The following ASIC2 variants were observed in gnomAD, a reference collection of about 807,000 sequenced individuals.
ASIC2 encodes acid-sensing ion channel 2.
In ASIC2, 25 loss-of-function variants were observed where a neutral mutation model predicts 57.3. The ratio of observed to expected loss-of-function variants is 0.44; its 90% CI spans 0.32 to 0.61. The LOEUF (loss-of-function observed/expected upper bound fraction) is 0.61, where lower values mean the gene tolerates loss of function less well. Among genes scored for constraint, ASIC2 ranks in the 20% least tolerant of loss-of-function variants. The pLI, the probability that ASIC2 is intolerant of heterozygous loss-of-function variation, is 0.06. For synonymous variants in ASIC2, 319 were observed against 307.5 expected (o/e 1.04, Z -0.39); for missense variants, 641 against 738.1 (o/e 0.87, Z 1.52).
chr17:33,498,222 G>C (rs2141939882), intron 1 of ASIC2, among the ~76,000 whole-genome samples: 1 of 152,350 alleles, frequency 6.6e-6, no homozygotes, highest in African/African-American at 2.4e-5. Flanking sequence ...CCTGCCCTCT[G>C]GGCTAGGAAC....
At chr17:33,977,732 G>A (rs974316542) in intron 1 of ASIC2, among the ~76,000 whole-genome samples, 2 of 152,082 alleles carry the variant, frequency 1.3e-5, no homozygotes, top group African/African-American at 4.8e-5. Flanking sequence ...GATGTCTGTC[G>A]ATTCTACCTG....
chr17:33,187,934 G>GA (rs891128433), intron 1 of ASIC2, among the ~76,000 whole-genome samples: 19 of 137,792 alleles, frequency 1.4e-4, no homozygotes, highest in Non-Finnish European at 2.4e-4. Flanking sequence ...AAAGAAAAAA[G>GA]AAAAAAAAGA....
At position 34,039,838 on chromosome 17, in the gene ASIC2, C is replaced by T. The variant is rs568881408; in HGVS notation, c.555+116140G>A. The T allele has an allele frequency of 1.0e-4, 162 of 1,607,162 alleles. No homozygotes were observed. In the African/African-American group the frequency reaches 1.8e-3, roughly 18 times the overall value. ...AAACCTGGCCTCCAATAATTTCTGC[C>T]GTCGTGGGTCCAGGCTATGCAATTC... On this transcript the variant is annotated intron_variant, in intron 1 of 9. Transcript: ENST00000359872.
At chr17:34,071,346 T>C (rs1909392243) in intron 1 of ASIC2, 1 of 152,202 alleles carries the variant, frequency 6.6e-6, no homozygotes, top group Non-Finnish European at 1.5e-5. Flanking sequence ...TCTGTGGATT[T>C]TATCCATTTC....
At chr17:33,735,822 C>A (rs1201004230) in intron 1 of ASIC2, among the ~76,000 whole-genome samples, 1 of 152,136 alleles carries the variant, frequency 6.6e-6, no homozygotes, top group African/African-American at 2.4e-5. Flanking sequence ...CCCAGTTCTG[C>A]TCTCAAGAGC....
intron 1 of ASIC2, among the ~76,000 whole-genome samples, chr17:33,962,112 C>G (rs527612788): frequency 6.6e-6 from 1 of 152,294 alleles, no homozygotes; most frequent in South Asian, 2.1e-4. Context: ...AGCCCATGAA[C>G]AAGTCCAGTT....
intron 1 of ASIC2, chr17:33,692,554 G>T (rs1425186869): frequency 6.6e-6 from 1 of 152,108 alleles, no homozygotes; most frequent in Non-Finnish European, 1.5e-5. Flanking sequence ...TCTAAACATA[G>T]AAAATGTACC....
intron 1 of ASIC2, among the ~76,000 whole-genome samples, chr17:33,262,523 C>T (rs551902076): frequency 1.4e-4 from 22 of 152,046 alleles, no homozygotes; most frequent in Non-Finnish European, 3.1e-4. Flanking sequence ...TGCTCAAATG[C>T]CTATAGTATG....
At chr17:33,418,691 A>C (rs1045725934) in intron 1 of ASIC2, among the ~76,000 whole-genome samples, 2 of 151,994 alleles carry the variant, frequency 1.3e-5, no homozygotes, top group Admixed American at 1.3e-4. Flanking sequence ...ATGTGTAGTT[A>C]TTTCTGAGGC....
Position 33,292,290 on chromosome 17 carries a change from T to G in ASIC2, c.-175A>C. ...CGGCATGCCCGCCCGGCGCCGCCGC[T>G]GCCGCCTCCGCGGGCGCCCGCCCGG... On this transcript the variant is annotated 5_prime_UTR_variant, in exon 1 of 10. Coordinates refer to ENST00000225823, the MANE Select transcript of ASIC2 (RefSeq NM_183377.2). 6.1e-6 allele frequency: 6 copies of G among 985,552 alleles called. No homozygotes were observed. Among genetic ancestry groups the G allele is most frequent in the Non-Finnish European group, 1.2e-6 (1 of 831,354 alleles). The allele number at this position is 985,552 out of a possible 1,614,324, so 61.1% of individuals were successfully genotyped here. A position where few individuals can be genotyped will look rare whatever the true frequency, so the allele number is the denominator to read the frequency against.
At chr17:33,537,513 T>C (rs1344701643) in intron 1 of ASIC2, among the ~76,000 whole-genome samples, 1 of 152,242 alleles carries the variant, frequency 6.6e-6, no homozygotes, top group Non-Finnish European at 1.5e-5. Context: ...TCTTTCTTTG[T>C]TCACTGTATT....
chr17:33,175,024 C>A (rs957587545), intron 1 of ASIC2, among the ~76,000 whole-genome samples: 1 of 152,112 alleles, frequency 6.6e-6, no homozygotes, highest in Non-Finnish European at 1.5e-5. Flanking sequence ...AAATTTAAAA[C>A]CCTGAGCAAT....
intron 1 of ASIC2, among the ~76,000 whole-genome samples, chr17:34,036,062 C>G (rs1464658781): frequency 6.6e-6 from 1 of 152,128 alleles, no homozygotes; most frequent in Non-Finnish European, 1.5e-5. Flanking sequence ...GCCATAAAGA[C>G]ACATGCACAC....
chr17:33,441,964 A>C (rs1911839015), intron 1 of ASIC2, among the ~76,000 whole-genome samples: 1 of 152,210 alleles, frequency 6.6e-6, no homozygotes, highest in Non-Finnish European at 1.5e-5. Flanking sequence ...GTGAGAAAAT[A>C]TATTTCTTTT....
At chr17:33,543,870 G>A (rs979042363) in intron 1 of ASIC2, among the ~76,000 whole-genome samples, 1 of 152,196 alleles carries the variant, frequency 6.6e-6, no homozygotes, top group Non-Finnish European at 1.5e-5. Context: ...TTTTTAAATA[G>A]GCTTACAGGG....
intron 1 of ASIC2, among the ~76,000 whole-genome samples, chr17:33,518,483 C>T (rs1914640126): frequency 6.6e-6 from 1 of 152,180 alleles, no homozygotes; most frequent in Non-Finnish European, 1.5e-5. Flanking sequence ...GAGCACTAAG[C>T]TCCATCAGAT....
intron 7 of ASIC2, among the ~76,000 whole-genome samples, chr17:33,018,885 C>T (rs1222450844): frequency 6.6e-6 from 1 of 152,196 alleles, no homozygotes; most frequent in Non-Finnish European, 1.5e-5. Flanking sequence ...AGCTTGACCT[C>T]TTGGCCTGAG....
chr17:33,513,280 C>A (rs1013342751), intron 1 of ASIC2, among the ~76,000 whole-genome samples: 2 of 152,138 alleles, frequency 1.3e-5, no homozygotes, highest in African/African-American at 2.4e-5. Flanking sequence ...TATCTAATTT[C>A]TTAGGTTGAC....
intron 1 of ASIC2, among the ~76,000 whole-genome samples, chr17:33,651,967 G>A (rs1168931325): frequency 6.6e-6 from 1 of 152,194 alleles, no homozygotes; most frequent in Non-Finnish European, 1.5e-5. Context: ...CTGTGGTGTG[G>A]CAGGAATCCC....
Sources: gnomAD v4.1 joint callset for allele counts (sites outside exome capture counted in the v4.1 genomes callset) on GRCh38, gnomAD v4.1.1 for gene constraint, MANE v1.5 for transcripts, NCBI Gene and HGNC (gene_info 2026-07-23, HGNC 2026-07-21) for gene names.